Variants in ZFAND3 observed in about 807,000 individuals in gnomAD.
ZFAND3 encodes the protein zinc finger AN1-type containing 3, also known as AN1-type zinc finger protein 3.
Under a neutral mutation model 29.6 loss-of-function variants are expected in ZFAND3, and 10 were observed. That is an observed-to-expected ratio of 0.34 (90% CI 0.21 to 0.57). ZFAND3 has a LOEUF of 0.57. Ranked by LOEUF, ZFAND3 falls within the 20% of genes least tolerant of loss-of-function variation. ZFAND3 has a pLI of 0.86. For missense variants in ZFAND3, 230 were observed against 304.5 expected (o/e 0.76, Z 1.82); for synonymous variants, 128 against 112.6 (o/e 1.14, Z -0.87).
At chr6:37,928,186 G>T (rs1357265980) in intron 1 of ZFAND3, among the ~76,000 whole-genome samples, 1 of 152,146 alleles carries the variant, frequency 6.6e-6, no homozygotes, top group East Asian at 1.9e-4. Context: ...CCCCCATCTT[G>T]TGACAATTGC....
At chr6:37,891,289 T>G (rs556078807) in intron 1 of ZFAND3, among the ~76,000 whole-genome samples, 1 of 152,272 alleles carries the variant, frequency 6.6e-6, no homozygotes, top group South Asian at 2.1e-4. Context: ...ATTATATGGT[T>G]GTTACCATTT....
intron 5 of ZFAND3, among the ~76,000 whole-genome samples, chr6:38,143,381 G>A (rs930455594): frequency 4.6e-5 from 7 of 152,274 alleles, no homozygotes; most frequent in African/African-American, 7.2e-5. Flanking sequence ...CTCTGAGAGC[G>A]ATGTGACGGC....
In ZFAND3 at chr6:37,918,951, C is replaced by CTTTTTTTTTTTTTTTTTTTTTTTT. The variant is rs66941014; in HGVS notation, c.72-10988_72-10987insTTTTTTTTTTTTTTTTTTTTTTTT. Among the ~76,000 whole-genome samples the CTTTTTTTTTTTTTTTTTTTTTTTT allele has an allele frequency of 1.7e-4, 18 of 104,724 alleles. 2 individuals are homozygous for CTTTTTTTTTTTTTTTTTTTTTTTT. The highest frequency in any genetic ancestry group is 4.9e-4 in the African/African-American group (12 of 24,582). 68.7% of individuals were successfully genotyped at this position (104,724 alleles called of 152,430 possible). A position where few individuals can be genotyped will look rare whatever the true frequency, so the allele number is the denominator to read the frequency against. On this transcript the variant is annotated intron_variant, in intron 1 of 5. Coordinates refer to ENST00000287218, the MANE Select transcript of ZFAND3 (RefSeq NM_021943.3). ...TGTGTTTTCAAAACATGAAAAATGC[C>CTTTTTTTTTTTTTTTTTTTTTTTT]TTTTTTTTTTTTTTTTTTTTGAGAC...
chr6:37,850,855 C>T (rs1764267378), intron 1 of ZFAND3, among the ~76,000 whole-genome samples: 1 of 152,146 alleles, frequency 6.6e-6, no homozygotes, highest in African/African-American at 2.4e-5. Flanking sequence ...CTGCCTCAGC[C>T]TCCTGAGTAG....
chr6:38,032,652 A>G (rs921905561), intron 2 of ZFAND3, among the ~76,000 whole-genome samples: 6 of 152,242 alleles, frequency 3.9e-5, no homozygotes, highest in Non-Finnish European at 8.8e-5. Context: ...AAAAGCTAAC[A>G]TTAAGAGCAG....
intron 2 of ZFAND3, 65 bp downstream of exon 2, chr6:37,930,064 T>G: frequency 7.0e-7 from 1 of 1,424,766 alleles, no homozygotes; most frequent in Non-Finnish European, 9.4e-7. Context: ...TTTTTGGTTC[T>G]TTTTAAGACT....
intron 1 of ZFAND3, among the ~76,000 whole-genome samples, chr6:37,823,153 C>T (rs1190883368): frequency 3.3e-5 from 5 of 152,078 alleles, no homozygotes; most frequent in South Asian, 4.2e-4. Flanking sequence ...TACGTGTTTC[C>T]GTGGAACGTT....
At chr6:37,936,447 A>G (rs924178951) in intron 2 of ZFAND3, among the ~76,000 whole-genome samples, 1 of 152,186 alleles carries the variant, frequency 6.6e-6, no homozygotes, top group Admixed American at 6.5e-5. Context: ...TCATAAGGCA[A>G]ACTTAATATA....
intron 5 of ZFAND3, among the ~76,000 whole-genome samples, chr6:38,150,934 G>T (rs1766208845): frequency 6.6e-6 from 1 of 152,172 alleles, no homozygotes; most frequent in Non-Finnish European, 1.5e-5. Flanking sequence ...CAGGCCCACG[G>T]GGCCTGGAGG....
chr6:37,885,913 C>T (rs1319704164), intron 1 of ZFAND3, among the ~76,000 whole-genome samples: 1 of 151,832 alleles, frequency 6.6e-6, no homozygotes, highest in Non-Finnish European at 1.5e-5. Flanking sequence ...AGTCAGTATA[C>T]TTCTGAGCGG....
chr6:37,981,936 C>G (rs935075257), intron 2 of ZFAND3, among the ~76,000 whole-genome samples: 33 of 152,236 alleles, frequency 2.2e-4, no homozygotes, highest in African/African-American at 7.7e-4. Flanking sequence ...TCAGTTTGGA[C>G]AACTCAAAGT....
chr6:37,964,742 A>G (rs1213989166), intron 2 of ZFAND3, among the ~76,000 whole-genome samples: 2 of 152,140 alleles, frequency 1.3e-5, no homozygotes, highest in African/African-American at 4.8e-5. Context: ...ATTTCTCAGT[A>G]ACTTTAGTTT....
At chr6:37,916,130 T>C (rs993367033) in intron 1 of ZFAND3, among the ~76,000 whole-genome samples, 14 of 151,688 alleles carry the variant, frequency 9.2e-5, no homozygotes, top group African/African-American at 3.2e-4. Flanking sequence ...GGGCATAGTT[T>C]ATGGTGTCCC....
intron 1 of ZFAND3, among the ~76,000 whole-genome samples, chr6:37,823,146 G>C (rs920374420): frequency 6.6e-6 from 1 of 152,154 alleles, no homozygotes; most frequent in South Asian, 2.1e-4. Context: ...TGTGATATAC[G>C]TGTTTCCGTG....
intron 1 of ZFAND3, among the ~76,000 whole-genome samples, chr6:37,879,798 T>C (rs1764858055): frequency 1.3e-5 from 2 of 152,202 alleles, no homozygotes; most frequent in South Asian, 4.1e-4. Flanking sequence ...ACCAGATATA[T>C]CTGGTACTTA....
intron 2 of ZFAND3, among the ~76,000 whole-genome samples, chr6:38,042,774 AG>A (rs1763817152): frequency 1.3e-5 from 2 of 152,170 alleles, no homozygotes; most frequent in African/African-American, 4.8e-5. Flanking sequence ...CTAGGTTTAT[AG>A]GGTGTATTTT....
chr6:38,083,528 C>T (rs773546804), intron 4 of ZFAND3, among the ~76,000 whole-genome samples: 1 of 152,032 alleles, frequency 6.6e-6, no homozygotes, highest in Non-Finnish European at 1.5e-5. Context: ...TTTTAGCCAG[C>T]GGGAAGTCAG....
At chr6:37,931,797 G>T (rs531596152) in intron 2 of ZFAND3, among the ~76,000 whole-genome samples, 2 of 152,256 alleles carry the variant, frequency 1.3e-5, no homozygotes, top group Non-Finnish European at 2.9e-5. Flanking sequence ...AGTAATCATG[G>T]TGTAAGCTTT....
intron 1 of ZFAND3, among the ~76,000 whole-genome samples, chr6:37,907,005 C>G (rs544665811): frequency 6.6e-6 from 1 of 152,052 alleles, no homozygotes; most frequent in East Asian, 1.9e-4. Context: ...AAGGACTGGA[C>G]TTCATTACTT....
Sources: allele counts gnomAD v4.1 joint callset (sites outside exome capture counted in the v4.1 genomes callset), GRCh38; gene constraint gnomAD v4.1.1; transcripts MANE v1.5; gene names NCBI Gene and HGNC (gene_info 2026-07-23, HGNC 2026-07-21).